The following REEP3 variants were observed in gnomAD, a reference collection of about 807,000 sequenced individuals.
The protein encoded by REEP3 is receptor expression-enhancing protein 3.
Under a neutral mutation model 41.3 loss-of-function variants are expected in REEP3, and 20 were observed. The observed-to-expected ratio is 0.48, with a 90% CI of 0.34 to 0.70. The LOEUF is 0.70. Ranked by LOEUF, REEP3 falls within the 30% of genes least tolerant of loss-of-function variation. The pLI, the probability that REEP3 is intolerant of heterozygous loss-of-function variation, is 0.01. For missense variants in REEP3, 271 were observed against 308.8 expected (o/e 0.88, Z 0.92); for synonymous variants, 104 against 101.8 (o/e 1.02, Z -0.13).
At chr10:63,595,312 C>T (rs1280077876) in intron 3 of REEP3, among the ~76,000 whole-genome samples, 1 of 152,218 alleles carries the variant, frequency 6.6e-6, no homozygotes, top group Non-Finnish European at 1.5e-5. Flanking sequence ...CACTAGCTTC[C>T]TGGCTGCTCT....
chr10:63,568,585 A>G (rs2133377658), intron 2 of REEP3, among the ~76,000 whole-genome samples: 1 of 152,002 alleles, frequency 6.6e-6, no homozygotes, highest in Middle Eastern at 3.4e-3. Context: ...CTTTTATAAA[A>G]TGAAATACTA....
chr10:63,530,311 T>C (rs571961759), intron 1 of REEP3, among the ~76,000 whole-genome samples: 56 of 152,332 alleles, frequency 3.7e-4, no homozygotes, highest in African/African-American at 1.3e-3. Flanking sequence ...ATATTTTCTT[T>C]CAATTAGGTT....
At chr10:63,542,271 G>T (rs1329183661) in intron 1 of REEP3, among the ~76,000 whole-genome samples, 1 of 151,768 alleles carries the variant, frequency 6.6e-6, no homozygotes, top group African/African-American at 2.4e-5. Flanking sequence ...TAGAGACAGG[G>T]TTCCCATGCT....
At chr10:63,527,335 T>C (rs2133336397) in intron 1 of REEP3, among the ~76,000 whole-genome samples, 1 of 152,190 alleles carries the variant, frequency 6.6e-6, no homozygotes, top group Non-Finnish European at 1.5e-5. Flanking sequence ...TTTCATCTTA[T>C]CACCCCATTT....
chr10:63,540,391 C>T (rs762138984), intron 1 of REEP3, among the ~76,000 whole-genome samples: 1 of 152,176 alleles, frequency 6.6e-6, no homozygotes, highest in Non-Finnish European at 1.5e-5. Flanking sequence ...TAAAATTTGT[C>T]AGTGTGGAGC....
intron 2 of REEP3, among the ~76,000 whole-genome samples, chr10:63,574,408 C>A (rs1313678403): frequency 6.6e-6 from 1 of 152,166 alleles, no homozygotes; most frequent in Non-Finnish European, 1.5e-5. Context: ...TTCATCCTAG[C>A]CCTACCCATT....
intron 1 of REEP3, among the ~76,000 whole-genome samples, chr10:63,530,674 G>A (rs189940230): frequency 3.9e-5 from 6 of 152,186 alleles, no homozygotes; most frequent in Admixed American, 6.5e-5. Context: ...CTGTTGCTCT[G>A]TTAGCTATTT....
chr10:63,592,161 G>T (rs1403583959), intron 2 of REEP3, among the ~76,000 whole-genome samples: 8 of 152,170 alleles, frequency 5.3e-5, no homozygotes, highest in African/African-American at 1.7e-4. Context: ...TAGAGAACTG[G>T]AGAGACTGGT....
chr10:63,615,065 A>C (rs994685264), intron 6 of REEP3, among the ~76,000 whole-genome samples: 4 of 152,232 alleles, frequency 2.6e-5, no homozygotes, highest in African/African-American at 9.6e-5. Context: ...ATATGAAAAC[A>C]TATCCAGATT....
intron 2 of REEP3, among the ~76,000 whole-genome samples, chr10:63,585,318 C>T (rs1229734696): frequency 6.6e-6 from 1 of 151,830 alleles, no homozygotes; most frequent in African/African-American, 2.4e-5. Flanking sequence ...GGATATGTTA[C>T]AAAGGAAAAG....
chr10:63,538,353 T>G (rs1955494770), intron 1 of REEP3, among the ~76,000 whole-genome samples: 1 of 152,230 alleles, frequency 6.6e-6, no homozygotes, highest in African/African-American at 2.4e-5. Flanking sequence ...TCTAAACCTA[T>G]CAGTGGGAGA....
At position 63,594,762 on chromosome 10, in the gene REEP3, T is replaced by G; in HGVS notation, c.106-16T>G. The G allele has an allele frequency of 6.5e-7, 1 of 1,545,976 alleles. No individual in the cohort carries two copies. The highest frequency in any genetic ancestry group is 8.9e-7 in the Non-Finnish European group (1 of 1,117,986). ...ATTTTCATCTGTTGTTTCATGAGTA[T>G]TTTTATTATTTCCAGGTTCGATGGA... On this transcript the variant is annotated splice_polypyrimidine_tract_variant and intron_variant, in intron 2 of 7. Coordinates refer to ENST00000373758, the MANE Select transcript of REEP3 (RefSeq NM_001001330.3).
intron 2 of REEP3, among the ~76,000 whole-genome samples, chr10:63,572,245 T>C (rs1338898016): frequency 6.6e-6 from 1 of 152,102 alleles, no homozygotes; most frequent in Non-Finnish European, 1.5e-5. Flanking sequence ...ATTTTGAACA[T>C]TATTTGCTTG....
At chr10:63,583,270 C>T (rs1407286406) in intron 2 of REEP3, among the ~76,000 whole-genome samples, 2 of 152,270 alleles carry the variant, frequency 1.3e-5, no homozygotes, top group South Asian at 2.1e-4. Context: ...GGACTACAGG[C>T]GTCAGCCACG....
At chr10:63,609,778 A>C (rs886774549) in intron 5 of REEP3, among the ~76,000 whole-genome samples, 8 of 151,968 alleles carry the variant, frequency 5.3e-5, no homozygotes, top group Non-Finnish European at 1.2e-4. Context: ...TAAATAAATA[A>C]ATATAAATAA....
intron 1 of REEP3, among the ~76,000 whole-genome samples, chr10:63,540,601 A>G (rs1442056000): frequency 6.6e-6 from 1 of 152,218 alleles, no homozygotes; most frequent in African/African-American, 2.4e-5. Flanking sequence ...GATGCTTTTT[A>G]GAATTGGAAC....
At chr10:63,596,467 G>T (rs1794698191) in intron 3 of REEP3, among the ~76,000 whole-genome samples, 1 of 152,120 alleles carries the variant, frequency 6.6e-6, no homozygotes, top group Non-Finnish European at 1.5e-5. Flanking sequence ...TGTAATTGCA[G>T]TGTGGCAGAG....
In REEP3 at chr10:63,610,176, C is replaced by G. The variant is rs1356645327; in HGVS notation, c.418-11C>G. The G allele has an allele frequency of 2.5e-6, 4 of 1,605,484 alleles. No individual in the cohort carries two copies. Among genetic ancestry groups the G allele is most frequent in the Non-Finnish European group, 3.4e-6 (4 of 1,175,616 alleles). On this transcript the variant is annotated splice_polypyrimidine_tract_variant and intron_variant, in intron 5 of 7. Coordinates refer to ENST00000373758, the MANE Select transcript of REEP3 (RefSeq NM_001001330.3). ...ATTTTTTCTTGGACCTATCACTTCT[C>G]TGTTAAATAGAGCCAAGGAGCAATA...
chr10:63,536,714 A>T (rs907846974), intron 1 of REEP3, among the ~76,000 whole-genome samples: 7 of 152,236 alleles, frequency 4.6e-5, no homozygotes, highest in African/African-American at 1.7e-4. Context: ...CTGGTATCTC[A>T]TAGAAGAGGA....
Sources: gnomAD v4.1 joint callset for allele counts (sites outside exome capture counted in the v4.1 genomes callset) on GRCh38, gnomAD v4.1.1 for gene constraint, MANE v1.5 for transcripts, NCBI Gene and HGNC (gene_info 2026-07-23, HGNC 2026-07-21) for gene names.